DLGAP4: variants seen among roughly 807,000 people sequenced by gnomAD.
DLGAP4 encodes DLG associated protein 4.
Under a neutral mutation model 86.9 loss-of-function variants are expected in DLGAP4, and 18 were observed. The ratio of observed to expected loss-of-function variants is 0.21; its 90% CI spans 0.14 to 0.31. The LOEUF (loss-of-function observed/expected upper bound fraction) is 0.31. Ranked by LOEUF, DLGAP4 falls within the 10% of genes least tolerant of loss-of-function variation. The pLI is 1.00. For synonymous variants in DLGAP4, 548 were observed against 574.3 expected, an observed-to-expected ratio of 0.95 and a Z score of 0.65; for missense variants, 1,085 against 1,362.6, an observed-to-expected ratio of 0.80 and a Z score of 3.21.
At position 36,439,841 on chromosome 20, in the gene DLGAP4, C is replaced by A; in HGVS notation, c.1329C>A (p.Ser443Arg). ...WEEDYTPVSDSLNDSSCISQI... is the reference protein window; with the variant it reads ...WEEDYTPVSDRLNDSSCISQI... ...AGGACTACACCCCCGTCAGCGACAG[C>A]CTCAACGACTCCAGCTGCATCAGCC... The change falls in exon 5 of 13, where the codon AGC (serine) becomes AGA (arginine). Residue 443 changes from serine (S) to arginine (R), a missense_variant. Physicochemically the swap from Ser to Arg is moderately radical, Grantham distance 110. Transcript: ENST00000339266. 1 of 1,613,632 alleles carries A rather than the reference C, an allele frequency of 6.2e-7. No individual in the cohort carries two copies. Among genetic ancestry groups the A allele is most frequent in the Non-Finnish European group, 8.5e-7 (1 of 1,179,986 alleles).
chr20:36,464,657 C>G (rs1372476491), intron 7 of DLGAP4, among the ~76,000 whole-genome samples: 1 of 151,560 alleles, frequency 6.6e-6, no homozygotes, highest in Non-Finnish European at 1.5e-5. Context: ...CGACATCAGC[C>G]TGGCCAACAT....
intron 2 of DLGAP4, among the ~76,000 whole-genome samples, chr20:36,404,155 A>T (rs988982338): frequency 2.6e-5 from 4 of 152,202 alleles, no homozygotes; most frequent in Non-Finnish European, 5.9e-5. Flanking sequence ...CACAAATTGG[A>T]CTATGAAATC....
intron 2 of DLGAP4, among the ~76,000 whole-genome samples, chr20:36,368,116 G>A (rs756852517): frequency 6.6e-6 from 1 of 152,208 alleles, no homozygotes. Flanking sequence ...GCATACAGTG[G>A]GTACCCAGTA....
chr20:36,366,620 G>A (rs563267669), intron 1 of DLGAP4, among the ~76,000 whole-genome samples: 1 of 152,278 alleles, frequency 6.6e-6, no homozygotes, highest in East Asian at 1.9e-4. Context: ...GAAAGGGGAA[G>A]CTGCCTCCCT....
intron 10 of DLGAP4, among the ~76,000 whole-genome samples, chr20:36,515,493 ATAGG>A (rs2036983583): frequency 6.6e-6 from 1 of 152,180 alleles, no homozygotes; most frequent in Non-Finnish European, 1.5e-5. Context: ...TATTTTAGAA[ATAGG>A]TAGTGTAGTC....
intron 6 of DLGAP4, among the ~76,000 whole-genome samples, chr20:36,444,327 C>G (rs534579663): frequency 3.9e-5 from 6 of 152,298 alleles, no homozygotes; most frequent in Admixed American, 3.9e-4. Flanking sequence ...CTCTGTCACC[C>G]AGGCTGAGTG....
Position 36,500,224 on chromosome 20 carries a change from T to G in DLGAP4, c.2125T>G (p.Ser709Ala), listed in dbSNP as rs1600662504. Residue 709 changes from serine (S) to alanine (A), a missense_variant, in exon 10 of 13, where the codon TCC (serine) becomes GCC (alanine). Transcript: ENST00000339266. This position sits in a 1 kb window ranked among gnomAD's most constrained non-coding sequence, Gnocchi z 4.6. ...WRSSVPSHSM[S>A]SRRDTDSDTQ... Reference sequence around the variant, plus strand: ...AAGCAGCGTCCCCTCTCACAGTATGTCCTCCCGACGGGACACAGACTCGGA... The same window carrying G: ...AAGCAGCGTCCCCTCTCACAGTATGGCCTCCCGACGGGACACAGACTCGGA... The G allele has an allele frequency of 6.3e-7, 1 of 1,579,144 alleles. No individual in the cohort carries two copies. The highest frequency in any genetic ancestry group is 1.4e-5 in the African/African-American group (1 of 73,442).
At chr20:36,439,571 T>C (rs2033385687) in intron 4 of DLGAP4, among the ~76,000 whole-genome samples, 183 bp from the exon 5 acceptor site, 1 of 152,216 alleles carries the variant, frequency 6.6e-6, no homozygotes, top group Non-Finnish European at 1.5e-5. Flanking sequence ...GGAAAGGGGC[T>C]GTAGAATTGG....
Position 36,431,967 on chromosome 20 carries a change from G to A in DLGAP4, c.250G>A (p.Glu84Lys). The A allele has an allele frequency of 6.2e-7, 1 of 1,614,188 alleles. No individual in the cohort carries two copies. Among genetic ancestry groups the A allele is most frequent in the Non-Finnish European group, 8.5e-7 (1 of 1,180,032 alleles). Residue 84 changes from glutamate (E) to lysine (K), a missense_variant, in exon 3 of 13, where the codon GAG (glutamate) becomes AAG (lysine). By Grantham distance (56) the Glu-to-Lys change is moderately conservative (BLOSUM62 1). Coordinates refer to ENST00000339266, the MANE Select transcript of DLGAP4 (RefSeq NM_001365621.2). This position sits in a 1 kb window ranked among gnomAD's most constrained non-coding sequence, Gnocchi z 5.1. ...IHYNSHFEVPEESPFPSHAQA... is the reference protein window; with the variant it reads ...IHYNSHFEVPKESPFPSHAQA... ...CTACAACTCCCACTTCGAGGTGCCA[G>A]AGGAGAGCCCCTTCCCCAGCCATGC... is the stretch of plus-strand genomic sequence containing the variant.
chr20:36,490,123 G>T (rs1385650661), intron 7 of DLGAP4, among the ~76,000 whole-genome samples: 1 of 152,082 alleles, frequency 6.6e-6, no homozygotes, highest in Non-Finnish European at 1.5e-5. Context: ...CTCTCAAAAC[G>T]TTGGAATTAC....
chr20:36,471,951 AGGTT>A (rs2034685020), intron 7 of DLGAP4, among the ~76,000 whole-genome samples: 1 of 152,194 alleles, frequency 6.6e-6, no homozygotes, highest in African/African-American at 2.4e-5. Context: ...GCTCTGCCCT[AGGTT>A]GCTGAGACCT....
chr20:36,310,922 C>T (rs1281823663), intron 1 of DLGAP4, among the ~76,000 whole-genome samples: 1 of 152,102 alleles, frequency 6.6e-6, no homozygotes, highest in Non-Finnish European at 1.5e-5. Context: ...CCTACTTTAT[C>T]GGAATATGGG....
At chr20:36,391,481 C>T (rs2031782638) in intron 2 of DLGAP4, among the ~76,000 whole-genome samples, 1 of 152,146 alleles carries the variant, frequency 6.6e-6, no homozygotes, top group African/African-American at 2.4e-5. Flanking sequence ...AGAGGGCCCT[C>T]ATCACAGTCC....
intron 1 of DLGAP4, among the ~76,000 whole-genome samples, chr20:36,338,888 C>G (rs147217440): frequency 2.6e-5 from 4 of 152,266 alleles, no homozygotes; most frequent in Non-Finnish European, 5.9e-5. Context: ...GGCAAGGAAA[C>G]AGCATGGCAA....
chr20:36,315,678 C>T (rs2065092609), intron 1 of DLGAP4, among the ~76,000 whole-genome samples: 1 of 152,212 alleles, frequency 6.6e-6, no homozygotes. Flanking sequence ...TGGGCCTCCC[C>T]TTCCCAGCCT....
rs555415269 is a variant in DLGAP4, at chr20:36,527,324, G to A, written c.*293G>A. Reference sequence around the variant, plus strand: ...AGATAGATGGACGTCGGCAACTCCCGGCCCAGCCTCCATACTGCGGTCTTT... The same window carrying A: ...AGATAGATGGACGTCGGCAACTCCCAGCCCAGCCTCCATACTGCGGTCTTT... On this transcript the variant is annotated 3_prime_UTR_variant, in exon 13 of 13. Transcript: ENST00000339266. The A allele has an allele frequency of 4.1e-4, 113 of 273,314 alleles. 2 individuals carry two copies. The Middle Eastern group carries it at 9.9e-3, about 24-fold the overall frequency. 16.9% of individuals were successfully genotyped at this position (273,314 alleles called of 1,614,324 possible). A position where few individuals can be genotyped will look rare whatever the true frequency, so the allele number is the denominator to read the frequency against.
chr20:36,371,462 G>C (rs1439048018), intron 2 of DLGAP4, among the ~76,000 whole-genome samples: 2 of 152,246 alleles, frequency 1.3e-5, no homozygotes, highest in African/African-American at 4.8e-5. Flanking sequence ...AGATGAACCG[G>C]TAGGAGACCT....
chr20:36,473,218 T>G (rs1458831769), intron 7 of DLGAP4: 2 of 152,236 alleles, frequency 1.3e-5, no homozygotes, highest in Admixed American at 1.3e-4. Context: ...CTTAAACTTT[T>G]GGTCACTGTG....
chr20:36,379,755 T>C (rs1332491656), intron 2 of DLGAP4, among the ~76,000 whole-genome samples: 1 of 152,202 alleles, frequency 6.6e-6, no homozygotes, highest in African/African-American at 2.4e-5. Context: ...CTCTGTGACT[T>C]TGGGAAAATC....
Sources: gnomAD v4.1 joint callset for allele counts (sites outside exome capture counted in the v4.1 genomes callset) on GRCh38, gnomAD v4.1.1 for gene constraint, Gnocchi (gnomAD v3.1) non-coding constraint, MANE v1.5 for transcripts, NCBI Gene and HGNC (gene_info 2026-07-23, HGNC 2026-07-21) for gene names.